The following SASH1 variants were observed in gnomAD, a reference collection of about 807,000 sequenced individuals.
SASH1 encodes the protein SAM and SH3 domain containing 1, also known as SAM and SH3 domain-containing protein 1.
Under a neutral mutation model 125.2 loss-of-function variants are expected in SASH1, and 44 were observed. That is an observed-to-expected ratio of 0.35 (90% CI 0.28 to 0.45). The LOEUF is 0.45. SASH1 is among the 20% of genes least tolerant of loss of function. The pLI is 1.00. For missense variants in SASH1, 1,426 were observed against 1,614.5 expected, an observed-to-expected ratio of 0.88 and a Z score of 2.00; for synonymous variants, 639 against 649.1, an observed-to-expected ratio of 0.98 and a Z score of 0.24.
chr6:148,343,106 T>C lies in SASH1; in HGVS notation c.39T>C (p.Pro13=), dbSNP rs1290001689. The part of the protein sequence containing the change: ...DAGAAGPGPE[P]EPEPEPEPEP... ...GAGCAGCTGGCCCGGGGCCGGAGCC[T>C]GAGCCCGAGCCCGAGCCGGAGCCCG... Residue 13 remains proline (P), a synonymous_variant, in exon 1 of 20, where the codon CCT becomes CCC. Coordinates refer to ENST00000367467, the MANE Select transcript of SASH1 (RefSeq NM_015278.5). 1.7e-5 allele frequency: 27 copies of C among 1,573,512 alleles called. No individual in the cohort carries two copies. Among genetic ancestry groups the C allele is most frequent in the South Asian group, 6.8e-5 (6 of 88,380 alleles).
chr6:148,379,002 G>C (rs953655914), intron 1 of SASH1, among the ~76,000 whole-genome samples: 1 of 152,196 alleles, frequency 6.6e-6, no homozygotes, highest in Non-Finnish European at 1.5e-5. Flanking sequence ...CAATTCACAG[G>C]TGCCAACTGT....
chr6:148,367,063 C>A (rs1264854063), intron 1 of SASH1, among the ~76,000 whole-genome samples: 3 of 149,372 alleles, frequency 2.0e-5, no homozygotes, highest in Non-Finnish European at 4.4e-5. Flanking sequence ...CCTCTGCCTC[C>A]CAGGCGCCTG....
chr6:148,409,276 C>T (rs1445215088), intron 2 of SASH1, among the ~76,000 whole-genome samples: 2 of 152,164 alleles, frequency 1.3e-5, no homozygotes, highest in African/African-American at 4.8e-5. Flanking sequence ...TTGTATTTTG[C>T]AGAAGCTTAA....
chr6:148,242,066 G>T, the SASH1 span, among the ~76,000 whole-genome samples: 1 of 152,182 alleles, frequency 6.6e-6, no homozygotes, highest in Admixed American at 6.5e-5. Context: ...TAGTTTCTTG[G>T]TGCCTTAGTT....
chr6:148,204,924 GT>G, the SASH1 span, among the ~76,000 whole-genome samples: 2 of 152,170 alleles, frequency 1.3e-5, no homozygotes, highest in African/African-American at 4.8e-5. Context: ...TTTCACATAT[GT>G]TTTTAGTAAT....
chr6:148,272,567 C>G (rs1443444548), intron 1 of SASH1, among the ~76,000 whole-genome samples: 1 of 152,114 alleles, frequency 6.6e-6, no homozygotes, highest in East Asian at 1.9e-4. Context: ...CTTCGGAATT[C>G]CTTCACCGGG....
chr6:148,519,646 C>T lies in SASH1; in HGVS notation c.962C>T (p.Pro321Leu). The T allele has an allele frequency of 1.9e-6, 3 of 1,614,176 alleles. No homozygotes were observed. Among genetic ancestry groups the T allele is most frequent in the Non-Finnish European group, 2.5e-6 (3 of 1,180,038 alleles). ...HKKPLFFDGS[P>L]EKPPEDDSDS... ...AAGCCCCTTTTCTTTGATGGCTCTC[C>T]TGAGAAACCTCCCGAAGATGACTCA... The change falls in exon 10 of 20, where the codon CCT becomes CTT. Residue 321 changes from proline (P) to leucine (L), a missense_variant. By Grantham distance (98) the Pro-to-Leu change is moderately conservative. This residue lies in a region of SASH1 where 567 missense variants were observed against 575.6 expected (regional missense o/e 0.99). Transcript: ENST00000367467. The surrounding 1 kb of genome is among the most constrained non-coding windows in gnomAD (Gnocchi z 4.8).
chr6:148,426,929 T>C (rs548438741), intron 2 of SASH1, among the ~76,000 whole-genome samples: 1 of 151,580 alleles, frequency 6.6e-6, no homozygotes, highest in Non-Finnish European at 1.5e-5. Flanking sequence ...AGACCAGGAG[T>C]TTGAGACCAG....
chr6:148,194,319 C>T, the SASH1 span, among the ~76,000 whole-genome samples: 1 of 152,180 alleles, frequency 6.6e-6, no homozygotes, highest in Non-Finnish European at 1.5e-5. Flanking sequence ...GACCCCACCC[C>T]CCATTCCAGT....
At chr6:148,494,853 T>C (rs1779252009) in intron 8 of SASH1, among the ~76,000 whole-genome samples, 1 of 152,234 alleles carries the variant, frequency 6.6e-6, no homozygotes, top group South Asian at 2.1e-4. Flanking sequence ...TTTTCAATGT[T>C]TCCTTGATTG....
intron 4 of SASH1, among the ~76,000 whole-genome samples, chr6:148,464,411 C>G (rs954174049): frequency 6.6e-6 from 1 of 152,178 alleles, no homozygotes; most frequent in Non-Finnish European, 1.5e-5. Context: ...AGTTACCATA[C>G]TTTTTACCCA....
chr6:148,293,189 G>C (rs887827663), intron 1 of SASH1, among the ~76,000 whole-genome samples: 5 of 152,116 alleles, frequency 3.3e-5, no homozygotes, highest in African/African-American at 1.2e-4. Flanking sequence ...CACCCTAAAC[G>C]ATCCAAACCC....
At chr6:148,494,833 C>T (rs991175464) in intron 8 of SASH1, among the ~76,000 whole-genome samples, 17 of 152,206 alleles carry the variant, frequency 1.1e-4, no homozygotes, top group Admixed American at 2.0e-4. Context: ...CACAGAATGC[C>T]GTGGAGCTAT....
At chr6:148,286,414 A>AG (rs1454979424) in intron 1 of SASH1, among the ~76,000 whole-genome samples, 26 of 151,958 alleles carry the variant, frequency 1.7e-4, no homozygotes, top group African/African-American at 6.3e-4. Context: ...AAAAAAAAAA[A>AG]GAATTCTGTA....
intron 2 of SASH1, among the ~76,000 whole-genome samples, chr6:148,406,889 A>G (rs1478960888): frequency 6.6e-6 from 1 of 151,582 alleles, no homozygotes; most frequent in Admixed American, 6.6e-5. Flanking sequence ...AGAGAGAATC[A>G]GGCTCTCCAA....
upstream of SASH1, among the ~76,000 whole-genome samples, chr6:148,339,500 ATG>A (rs1781262218): frequency 1.3e-5 from 2 of 151,374 alleles, no homozygotes; most frequent in African/African-American, 2.4e-5. Flanking sequence ...GTTTAATTAT[ATG>A]TGTGTGTATA....
At chr6:148,211,476 C>A in the SASH1 span, among the ~76,000 whole-genome samples, 3 of 151,332 alleles carry the variant, frequency 2.0e-5, no homozygotes, top group Non-Finnish European at 4.4e-5. Flanking sequence ...GAGGCTGAGA[C>A]AGGAGAATTG....
At chr6:148,520,131 C>T in intron 10 of SASH1, 1 of 523,398 alleles carries the variant, frequency 1.9e-6, no homozygotes. Flanking sequence ...CTGCGGCTTC[C>T]CCGGCAGGAG....
chr6:148,442,459 T>C (rs1776584128), intron 4 of SASH1, among the ~76,000 whole-genome samples: 1 of 152,156 alleles, frequency 6.6e-6, no homozygotes. Flanking sequence ...AATTGTGCAG[T>C]GAATGTTCAT....
Sources: gnomAD v4.1 joint callset for allele counts (sites outside exome capture counted in the v4.1 genomes callset) on GRCh38, gnomAD v4.1.1 for gene constraint, gnomAD v4.1.1 regional missense constraint, Gnocchi (gnomAD v3.1) non-coding constraint, MANE v1.5 for transcripts, NCBI Gene and HGNC (gene_info 2026-07-23, HGNC 2026-07-21) for gene names.